The following FUZ variants were observed in gnomAD, a reference collection of about 807,000 sequenced individuals.
FUZ encodes the protein fuzzy planar cell polarity protein, also known as protein fuzzy homolog.
In FUZ, 31 loss-of-function variants were observed where a neutral mutation model predicts 43.1. The observed-to-expected ratio is 0.72, with a 90% CI of 0.54 to 0.97. FUZ has a LOEUF of 0.97. FUZ is among the 50% of genes least tolerant of loss of function. The probability of loss-of-function intolerance (pLI) is 0.00; values close to 1 mark genes in which losing one functional copy is unlikely to be tolerated. For synonymous variants in FUZ, 274 were observed against 250.0 expected (o/e 1.10, Z -0.91); for missense variants, 539 against 543.8 (o/e 0.99, Z 0.09).
intron 5 of FUZ, among the ~76,000 whole-genome samples, chr19:49,810,320 C>G (rs2073701401): frequency 6.6e-6 from 1 of 150,956 alleles, no homozygotes; most frequent in Non-Finnish European, 1.5e-5. Context: ...AGTTCGAGAC[C>G]AGCCCGGGCA....
At position 49,809,158 on chromosome 19, in the gene FUZ, TTC is replaced by T; in HGVS notation, c.786+3_786+4del. On this transcript the variant is annotated splice_donor_region_variant and intron_variant, in intron 7 of 10. Coordinates refer to ENST00000313777, the MANE Select transcript of FUZ (RefSeq NM_025129.5). This position sits in a 1 kb window ranked among gnomAD's most constrained non-coding sequence, Gnocchi z 5.1. ...GAGCGAAAGCGGGACGTGGCGCGGG[TTC>T]ACCTGTGGATACAACTGGCTGAGGG... The T allele has an allele frequency of 6.4e-7, 1 of 1,551,294 alleles. No individual in the cohort carries two copies. Among genetic ancestry groups the T allele is most frequent in the Non-Finnish European group, 8.7e-7 (1 of 1,146,986 alleles).
rs376888191 is a variant in FUZ at position 49,807,110 on chromosome 19, T to C, written c.*41A>G. The C allele has an allele frequency of 3.5e-5, 55 of 1,554,314 alleles. No homozygotes were observed. The highest frequency in any genetic ancestry group is 8.7e-5 in the Admixed American group (5 of 57,242). ...TGTGAGCGAATAAACAGAGAGACGC[T>C]AACAGCCCCATGTCTGTGTCCATCA... is the stretch of plus-strand genomic sequence containing the variant. On this transcript the variant is annotated 3_prime_UTR_variant, in exon 11 of 11. Coordinates refer to ENST00000313777, the MANE Select transcript of FUZ (RefSeq NM_025129.5).
chr19:49,806,911 T>C lies in FUZ; in HGVS notation c.*240A>G. ...TTCCTCCGGCCTTTTGTATTTTTATTTTTGTTCATCTGCTGCTGTTTACAT... is the reference window on the plus strand; with the variant it reads ...TTCCTCCGGCCTTTTGTATTTTTATCTTTGTTCATCTGCTGCTGTTTACAT... On this transcript the variant is annotated 3_prime_UTR_variant, in exon 11 of 11. Transcript: ENST00000313777. 3 of 1,536,990 alleles carry C rather than the reference T, an allele frequency of 2.0e-6. No homozygotes were observed. The highest frequency in any genetic ancestry group is 2.6e-6 in the Non-Finnish European group (3 of 1,147,212).
chr19:49,813,188 T>A lies in FUZ; in HGVS notation c.-82A>T. 7.7e-7 allele frequency: 1 copy of A among 1,294,418 alleles called. No homozygotes were observed. Among genetic ancestry groups the A allele is most frequent in the Non-Finnish European group, 1.1e-6 (1 of 914,160 alleles). 80.2% of individuals were successfully genotyped at this position (1,294,418 alleles called of 1,614,324 possible). ...TGGCGGTAATCAGAGTAACTCGGCC[T>A]GTGGTCCGGAGCCGCCAGAGGGCGA... is the stretch of plus-strand genomic sequence containing the variant. On this transcript the variant is annotated 5_prime_UTR_variant, in exon 1 of 11. Transcript: ENST00000313777.
rs2073877294 is a variant in FUZ at position 49,813,237 on chromosome 19, A to G, written c.-131T>C. ...GAGATGGGGAGCTGATTGGAAGAGG[A>G]TTAACTTCCCGCCTTCTTCACCCAA... On this transcript the variant is annotated 5_prime_UTR_variant, in exon 1 of 11. Coordinates refer to ENST00000313777, the MANE Select transcript of FUZ (RefSeq NM_025129.5). 2.4e-6 allele frequency: 2 copies of G among 835,086 alleles called. No homozygotes were observed. Among genetic ancestry groups the G allele is most frequent in the East Asian group, 5.3e-5 (2 of 37,784 alleles). The allele number at this position is 835,086 out of a possible 1,614,324, so 51.7% of individuals were successfully genotyped here.
In FUZ at chr19:49,807,032, C is replaced by T; in HGVS notation, c.*119G>A. ...AGTGGATGTCTCCTCCCCTCCCACC[C>T]CACCCTGTTGTAGCCCCTCCTACCC... is the stretch of plus-strand genomic sequence containing the variant. On this transcript the variant is annotated 3_prime_UTR_variant, in exon 11 of 11. Coordinates refer to ENST00000313777, the MANE Select transcript of FUZ (RefSeq NM_025129.5). 6.6e-7 allele frequency: 1 copy of T among 1,518,306 alleles called. No homozygotes were observed. The highest frequency in any genetic ancestry group is 8.8e-7 in the Non-Finnish European group (1 of 1,133,022). 94.1% of individuals were successfully genotyped at this position (1,518,306 alleles called of 1,614,324 possible).
chr19:49,808,504 G>C lies in FUZ; in HGVS notation c.959-16C>G. 1.2e-6 allele frequency: 2 copies of C among 1,608,988 alleles called. No homozygotes were observed. Among genetic ancestry groups the C allele is most frequent in the Non-Finnish European group, 1.7e-6 (2 of 1,178,090 alleles). ...GGTGAAGGCTCTGCTGGGAGGAAAAGGCGGTGATGCAGAGCGCCTCCCCGG... is the reference window on the plus strand; with the variant it reads ...GGTGAAGGCTCTGCTGGGAGGAAAACGCGGTGATGCAGAGCGCCTCCCCGG... On this transcript the variant is annotated splice_polypyrimidine_tract_variant and intron_variant, in intron 9 of 10. Coordinates refer to ENST00000313777, the MANE Select transcript of FUZ (RefSeq NM_025129.5).
rs1263331537 is a variant in FUZ at position 49,813,166 on chromosome 19, C to A, written c.-60G>T. On this transcript the variant is annotated 5_prime_UTR_variant, in exon 1 of 11. Coordinates refer to ENST00000313777, the MANE Select transcript of FUZ (RefSeq NM_025129.5). ...TGTCAGTGCGGGTCTTGGAGCATGGCGGTAATCAGAGTAACTCGGCCTGTG... is the reference window on the plus strand; with the variant it reads ...TGTCAGTGCGGGTCTTGGAGCATGGAGGTAATCAGAGTAACTCGGCCTGTG... The A allele has an allele frequency of 7.0e-7, 1 of 1,420,062 alleles. No homozygotes were observed. Among genetic ancestry groups the A allele is most frequent in the Non-Finnish European group, 9.7e-7 (1 of 1,028,430 alleles). 88.0% of individuals were successfully genotyped at this position (1,420,062 alleles called of 1,614,324 possible). A position where few individuals can be genotyped will look rare whatever the true frequency, so the allele number is the denominator to read the frequency against.
intron 5 of FUZ, 113 bp downstream of exon 5, chr19:49,811,250 C>A (rs1317051408): frequency 1.3e-6 from 1 of 742,644 alleles, no homozygotes; most frequent in African/African-American, 1.8e-5. Flanking sequence ...GGGGATAGGA[C>A]TGGAAGCTGA....
intron 4 of FUZ, 77 bp downstream of exon 4, chr19:49,811,554 G>C: frequency 6.4e-7 from 1 of 1,574,656 alleles, no homozygotes; most frequent in Non-Finnish European, 8.7e-7. Context: ...CTGCCCCAGG[G>C]GCTGCTGGGA....
rs1243809751 is a variant in FUZ, at chr19:49,808,413, C to G, written c.1033+1G>C. 6.2e-7 allele frequency: 1 copy of G among 1,611,582 alleles called. No individual in the cohort carries two copies. The highest frequency in any genetic ancestry group is 1.1e-5 in the South Asian group (1 of 90,666). ...GTGGGAGCACTGTGCCTTCCGCTGACCTGGTGGGAAGTGCGTGGAGGTGAC... is the reference window on the plus strand; with the variant it reads ...GTGGGAGCACTGTGCCTTCCGCTGAGCTGGTGGGAAGTGCGTGGAGGTGAC... On this transcript the variant is annotated splice_donor_variant, in intron 10 of 10. Transcript: ENST00000313777. LOFTEE classifies it high-confidence loss of function.
At position 49,806,954 on chromosome 19, in the gene FUZ, A is replaced by T; in HGVS notation, c.*197T>A. ...GTTTACATTCTGGGGGGTTAGGGGGAGTCCCCCTCCCTCCCTTTCCCCCCC... is the reference window on the plus strand; with the variant it reads ...GTTTACATTCTGGGGGGTTAGGGGGTGTCCCCCTCCCTCCCTTTCCCCCCC... On this transcript the variant is annotated 3_prime_UTR_variant, in exon 11 of 11. Coordinates refer to ENST00000313777, the MANE Select transcript of FUZ (RefSeq NM_025129.5). 1.3e-6 allele frequency: 2 copies of T among 1,532,544 alleles called. No individual in the cohort carries two copies. The highest frequency in any genetic ancestry group is 1.7e-6 in the Non-Finnish European group (2 of 1,146,292). The allele number at this position is 1,532,544 out of a possible 1,614,324, so 94.9% of individuals were successfully genotyped here.
At chr19:49,808,989 A>G (rs2073599802) in intron 7 of FUZ, 166 bp from the exon 8 acceptor site, 1 of 868,066 alleles carries the variant, frequency 1.2e-6, no homozygotes, top group South Asian at 1.4e-5. Context: ...GAGGCCTGGA[A>G]GAATAGAGGC....
At position 49,813,064 on chromosome 19, in the gene FUZ, G is replaced by A. The variant is rs2073868835; in HGVS notation, c.43C>T (p.Leu15Phe). Reference sequence around the variant, plus strand: ...AGGGGGACCCCGCTGGAGGCCGCGAGGCACAGCAGATGCACAGTGCCGCCC... The same window carrying A: ...AGGGGGACCCCGCTGGAGGCCGCGAAGCACAGCAGATGCACAGTGCCGCCC... ...GTGGTVHLLCLAASSGVPLFC... is the reference protein window; with the variant it reads ...GTGGTVHLLCFAASSGVPLFC... The change falls in exon 1 of 11, where the codon CTC becomes TTC. Residue 15 changes from leucine to phenylalanine, a missense_variant. Physicochemically the swap from Leu to Phe is conservative, Grantham distance 22. Coordinates refer to ENST00000313777, the MANE Select transcript of FUZ (RefSeq NM_025129.5). 1 of 1,551,240 alleles carries A rather than the reference G, an allele frequency of 6.4e-7. No homozygotes were observed. Among genetic ancestry groups the A allele is most frequent in the South Asian group, 1.2e-5 (1 of 84,072 alleles).
chr19:49,806,991 G>A lies in FUZ; in HGVS notation c.*160C>T. On this transcript the variant is annotated 3_prime_UTR_variant, in exon 11 of 11. Coordinates refer to ENST00000313777, the MANE Select transcript of FUZ (RefSeq NM_025129.5). ...TCCCTTTCCCCCCCAAGCACAGAGG[G>A]GAGAGGGGCCAGGGAAGTGGATGTC... 2 of 1,528,676 alleles carry A rather than the reference G, an allele frequency of 1.3e-6. No homozygotes were observed. Among genetic ancestry groups the A allele is most frequent in the African/African-American group, 1.4e-5 (1 of 72,750 alleles). 94.7% of individuals were successfully genotyped at this position (1,528,676 alleles called of 1,614,324 possible).
Position 49,811,385 on chromosome 19 carries a change from G to A in FUZ, c.470C>T (p.Pro157Leu). ...DLTQCVDCVI[P>L]PEGSLLQEAL... ...TACCTGCAAGAGGGACCCCTCTGGAGGAATCACGCAGTCCACACACTGGGT... is the reference window on the plus strand; with the variant it reads ...TACCTGCAAGAGGGACCCCTCTGGAAGAATCACGCAGTCCACACACTGGGT... The change falls in exon 5 of 11, where the codon CCT becomes CTT. Residue 157 changes from proline to leucine, a missense_variant. Transcript: ENST00000313777. 6.2e-7 allele frequency: 1 copy of A among 1,611,316 alleles called. No individual in the cohort carries two copies. The highest frequency in any genetic ancestry group is 8.5e-7 in the Non-Finnish European group (1 of 1,178,672).
At chr19:49,813,426 T>C (rs533601233), upstream of FUZ, 38 of 444,042 alleles carry the variant, frequency 8.6e-5, no homozygotes, top group South Asian at 4.7e-4. Flanking sequence ...AGAAGCCGGA[T>C]TGAAGATGAT....
chr19:49,809,395 G>A lies in FUZ; in HGVS notation c.673C>T (p.Pro225Ser). The A allele has an allele frequency of 3.2e-6, 5 of 1,544,214 alleles. No homozygotes were observed. Among genetic ancestry groups the A allele is most frequent in the Non-Finnish European group, 4.4e-6 (5 of 1,146,814 alleles). ...CCACTCACCGTGGGGCTCCCGTGCG[G>A]CAGGTACACCGGGTAGTCGCGAGCG... The part of the protein sequence containing the change: ...QTARDYPVYL[P>S]HGSPTVPHRL... The change falls in exon 6 of 11, where the codon CCG (proline) becomes TCG (serine). Residue 225 changes from proline (P) to serine (S), a missense_variant. Pro to Ser is a moderately conservative substitution (Grantham distance 74). Coordinates refer to ENST00000313777, the MANE Select transcript of FUZ (RefSeq NM_025129.5). This position sits in a 1 kb window ranked among gnomAD's most constrained non-coding sequence, Gnocchi z 5.1.
Position 49,808,414 on chromosome 19 carries a change from C to T in FUZ, c.1033G>A (p.Glu345Lys). 1 of 1,611,730 alleles carries T rather than the reference C, an allele frequency of 6.2e-7. No individual in the cohort carries two copies. The highest frequency in any genetic ancestry group is 2.2e-5 in the East Asian group (1 of 44,822). ...TGGGAGCACTGTGCCTTCCGCTGAC[C>T]TGGTGGGAAGTGCGTGGAGGTGACC... ...TLVTSTHFPP[E>K]PGPPEKTEDE... Residue 345 changes from glutamate to lysine, a missense_variant and splice_region_variant, in exon 10 of 11, where the codon GAG (glutamate) becomes AAG (lysine). Physicochemically the swap from Glu to Lys is moderately conservative, Grantham distance 56. Coordinates refer to ENST00000313777, the MANE Select transcript of FUZ (RefSeq NM_025129.5).
Sources: allele counts gnomAD v4.1 joint callset (sites outside exome capture counted in the v4.1 genomes callset), GRCh38; gene constraint gnomAD v4.1.1; non-coding constraint Gnocchi (gnomAD v3.1); transcripts MANE v1.5; gene names NCBI Gene and HGNC (gene_info 2026-07-23, HGNC 2026-07-21).